CBLB: variants seen among roughly 807,000 people sequenced by gnomAD.
CBLB encodes the protein E3 ubiquitin-protein ligase CBL-B.
CBLB carries 31 observed loss-of-function variants against 104.9 expected under a neutral mutation model. The ratio of observed to expected loss-of-function variants is 0.30; its 90% CI spans 0.22 to 0.40. CBLB has a LOEUF of 0.40. Among genes scored for constraint, CBLB ranks in the 10% least tolerant of loss-of-function variants. The pLI, the probability that CBLB is intolerant of heterozygous loss-of-function variation, is 1.00. For missense variants in CBLB, 1,062 were observed against 1,214.6 expected, an observed-to-expected ratio of 0.87 and a Z score of 1.87; for synonymous variants, 440 against 422.6, an observed-to-expected ratio of 1.04 and a Z score of -0.51.
rs1339863906 is a variant in CBLB, at chr3:105,657,802, T to A, written c.*1168A>T. ...CTGCAAATTAAATATGAACTCTAAT[T>A]TGATTGCAGAGAGAAAATTACTGAG... On this transcript the variant is annotated 3_prime_UTR_variant, in exon 19 of 19. Coordinates refer to ENST00000394030, the MANE Select transcript of CBLB (RefSeq NM_170662.5). 1 of 206,256 alleles carries A rather than the reference T, an allele frequency of 4.8e-6. No individual in the cohort carries two copies. Among genetic ancestry groups the A allele is most frequent in the East Asian group, 7.4e-5 (1 of 13,486 alleles). 12.8% of individuals were successfully genotyped at this position (206,256 alleles called of 1,614,324 possible).
chr3:105,690,670 A>C (rs2152749878), intron 13 of CBLB, among the ~76,000 whole-genome samples: 1 of 152,176 alleles, frequency 6.6e-6, no homozygotes, highest in Non-Finnish European at 1.5e-5. Flanking sequence ...AAAAATAAAA[A>C]AATTAGCCGG....
intron 17 of CBLB, chr3:105,672,008 A>G (rs758409408): frequency 2.3e-4 from 43 of 190,854 alleles, no homozygotes; most frequent in Middle Eastern, 1.8e-3. Flanking sequence ...GAAATTTCCC[A>G]AAGATTTTGC....
chr3:105,857,350 G>C (rs1450322360), intron 2 of CBLB, among the ~76,000 whole-genome samples: 2 of 152,146 alleles, frequency 1.3e-5, no homozygotes, highest in African/African-American at 4.8e-5. Flanking sequence ...ACTGAGCTTA[G>C]AGCTAGGAAA....
chr3:105,687,477 C>T (rs984203256), intron 13 of CBLB, among the ~76,000 whole-genome samples: 5 of 152,006 alleles, frequency 3.3e-5, no homozygotes, highest in Non-Finnish European at 7.4e-5. Flanking sequence ...CAAAGCTCAT[C>T]TAATACTTCA....
chr3:105,661,066 A>T (rs1450308223), intron 18 of CBLB, among the ~76,000 whole-genome samples: 1 of 151,678 alleles, frequency 6.6e-6, no homozygotes, highest in African/African-American at 2.4e-5. Context: ...GCCTCCCAAA[A>T]TGCTAAAATT....
At chr3:105,719,381 T>A (rs2072421508) in intron 10 of CBLB, among the ~76,000 whole-genome samples, 1 of 152,228 alleles carries the variant, frequency 6.6e-6, no homozygotes, top group South Asian at 2.1e-4. Context: ...TAGTTCTCTC[T>A]CAAACTATGA....
chr3:105,761,737 G>C (rs2077652669), intron 4 of CBLB, among the ~76,000 whole-genome samples: 1 of 152,192 alleles, frequency 6.6e-6, no homozygotes, highest in South Asian at 2.1e-4. Flanking sequence ...CCAGTAGAGT[G>C]GGGTGCTGCT....
At chr3:105,818,514 C>T (rs578208102) in intron 3 of CBLB, among the ~76,000 whole-genome samples, 3 of 152,066 alleles carry the variant, frequency 2.0e-5, no homozygotes, top group Non-Finnish European at 2.9e-5. Flanking sequence ...AATAAAAATG[C>T]TAAGAAATTG....
intron 18 of CBLB, among the ~76,000 whole-genome samples, chr3:105,662,210 CT>C (rs2063855680): frequency 6.6e-6 from 1 of 152,200 alleles, no homozygotes; most frequent in African/African-American, 2.4e-5. Flanking sequence ...ACTTTCTCCA[CT>C]TTTCTTTTTC....
chr3:105,799,255 A>C (rs996053541), intron 3 of CBLB, among the ~76,000 whole-genome samples: 17 of 152,134 alleles, frequency 1.1e-4, no homozygotes. Flanking sequence ...GTATTATCAA[A>C]ATAAAAAAGC....
In CBLB at chr3:105,811,761, G is replaced by A. The variant is rs879692600; in HGVS notation, c.420-35219C>T. Among the ~76,000 whole-genome samples, 4 of 151,802 alleles carry A rather than the reference G, an allele frequency of 2.6e-5. No individual in the cohort carries two copies. In the East Asian group the frequency reaches 5.8e-4, roughly 22 times the overall value. On this transcript the variant is annotated intron_variant, in intron 3 of 18. Transcript: ENST00000394030. ...TTTCACTCTTGTTCTCCGGGCTGGA[G>A]TGCAACGGCACGAACCCGGCTCACA...
intron 3 of CBLB, among the ~76,000 whole-genome samples, chr3:105,844,575 T>C (rs150326726): frequency 1.1e-4 from 16 of 152,334 alleles, no homozygotes; most frequent in South Asian, 1.0e-3. Context: ...CTATGAACCA[T>C]TGATGTATAC....
At chr3:105,833,764 T>C (rs558762155) in intron 3 of CBLB, among the ~76,000 whole-genome samples, 2 of 152,240 alleles carry the variant, frequency 1.3e-5, no homozygotes, top group Admixed American at 6.5e-5. Context: ...AGATTAGATC[T>C]GTTTTGAAAT....
chr3:105,779,523 G>C (rs2079892157), intron 3 of CBLB, among the ~76,000 whole-genome samples: 1 of 151,142 alleles, frequency 6.6e-6, no homozygotes. Context: ...ACACATTCCA[G>C]AATATATATA....
intron 8 of CBLB, among the ~76,000 whole-genome samples, chr3:105,735,919 C>G (rs758315382): frequency 1.3e-5 from 2 of 152,116 alleles, no homozygotes; most frequent in Non-Finnish European, 2.9e-5. Flanking sequence ...GCACTCCAGC[C>G]TGGGCGACAA....
chr3:105,750,714 A>G (rs1054167960), intron 5 of CBLB, among the ~76,000 whole-genome samples: 1 of 152,220 alleles, frequency 6.6e-6, no homozygotes, highest in African/African-American at 2.4e-5. Flanking sequence ...TAGTATCCAT[A>G]TAATGCTACC....
intron 9 of CBLB, among the ~76,000 whole-genome samples, chr3:105,733,741 TAATAC>T (rs1018943480): frequency 4.4e-4 from 67 of 152,194 alleles, no homozygotes; most frequent in African/African-American, 1.6e-3. Flanking sequence ...GTCTAGTTGG[TAATAC>T]CTATAAGTGA....
At chr3:105,737,959 T>C (rs2075133203) in intron 7 of CBLB, among the ~76,000 whole-genome samples, 2 of 152,216 alleles carry the variant, frequency 1.3e-5, no homozygotes, top group Non-Finnish European at 2.9e-5. Flanking sequence ...CTAAAAGTTG[T>C]AGTAATAATG....
intron 17 of CBLB, chr3:105,670,669 C>A: frequency 3.0e-6 from 1 of 336,076 alleles, no homozygotes; most frequent in Non-Finnish European, 5.6e-6. Context: ...CCCAATCCAA[C>A]CTGTACAATG....
Sources: gnomAD v4.1 joint callset for allele counts (sites outside exome capture counted in the v4.1 genomes callset) on GRCh38, gnomAD v4.1.1 for gene constraint, MANE v1.5 for transcripts, NCBI Gene and HGNC (gene_info 2026-07-23, HGNC 2026-07-21) for gene names.